WDR72: variants seen among roughly 807,000 people sequenced by gnomAD.
The protein encoded by WDR72 is WD repeat-containing protein 72.
Under a neutral mutation model 124.2 loss-of-function variants are expected in WDR72, and 120 were observed. The ratio of observed to expected loss-of-function variants is 0.97; its 90% CI spans 0.83 to 1.12. The LOEUF is 1.12. Ranked by LOEUF, WDR72 falls within the 50% of genes most tolerant of loss-of-function variation. The pLI, the probability that WDR72 is intolerant of heterozygous loss-of-function variation, is 0.00. For synonymous variants in WDR72, 452 were observed against 441.7 expected (o/e 1.02, Z -0.29); for missense variants, 1,387 against 1,278.8 (o/e 1.08, Z -1.29).
intron 18 of WDR72, among the ~76,000 whole-genome samples, chr15:53,538,413 C>G (rs1892876774): frequency 6.6e-6 from 1 of 152,146 alleles, no homozygotes; most frequent in South Asian, 2.1e-4. Context: ...AACTGAAAGT[C>G]TAATGAAGCT....
intron 9 of WDR72, among the ~76,000 whole-genome samples, chr15:53,708,258 T>C (rs2017439416): frequency 6.6e-6 from 1 of 152,212 alleles, no homozygotes; most frequent in African/African-American, 2.4e-5. Context: ...GCTAACTGCC[T>C]GGATTTAAAT....
At chr15:53,608,094 G>T (rs1024562164) in intron 17 of WDR72, among the ~76,000 whole-genome samples, 13 of 152,108 alleles carry the variant, frequency 8.5e-5, no homozygotes, top group African/African-American at 3.1e-4. Flanking sequence ...ACAGTTTGGA[G>T]GTTCCTCAAA....
chr15:53,658,194 T>C (rs2015492875), intron 14 of WDR72, among the ~76,000 whole-genome samples: 1 of 152,026 alleles, frequency 6.6e-6, no homozygotes, highest in African/African-American at 2.4e-5. Flanking sequence ...AGCTAAAAGG[T>C]TTTTATACCT....
At chr15:53,692,092 A>G (rs1448395523) in intron 13 of WDR72, among the ~76,000 whole-genome samples, 1 of 152,226 alleles carries the variant, frequency 6.6e-6, no homozygotes, top group East Asian at 1.9e-4. Context: ...TGTAATTATG[A>G]GAGGTGAAGT....
At chr15:53,746,880 T>C (rs1480459446) in intron 1 of WDR72, among the ~76,000 whole-genome samples, 3 of 152,096 alleles carry the variant, frequency 2.0e-5, no homozygotes, top group Non-Finnish European at 4.4e-5. Flanking sequence ...ATGAAACAAA[T>C]GGATAGATAG....
intron 1 of WDR72, among the ~76,000 whole-genome samples, chr15:53,744,165 A>G (rs2018583866): frequency 6.6e-6 from 1 of 152,170 alleles, no homozygotes; most frequent in African/African-American, 2.4e-5. Context: ...AGGGCCTCCC[A>G]TCAGCATGCC....
intron 1 of WDR72, among the ~76,000 whole-genome samples, chr15:53,743,835 C>T (rs1262630043): frequency 6.6e-6 from 1 of 152,000 alleles, no homozygotes; most frequent in Non-Finnish European, 1.5e-5. Context: ...CTTAGCCGGG[C>T]GTGGTGGTGG....
Position 53,513,853 on chromosome 15 carries a change from A to C in WDR72, c.*3846T>G, listed in dbSNP as rs1891303044. ...ATCTGAGAAGGTCAAGATGAAGGTG[A>C]AAAGAGTAAAGGAGTTGTACTAGGA... On this transcript the variant is annotated 3_prime_UTR_variant, in exon 20 of 20. Transcript: ENST00000360509. 6.6e-6 allele frequency: 1 copy of C among 152,218 alleles called. No individual in the cohort carries two copies. The highest frequency in any genetic ancestry group is 2.4e-5 in the African/African-American group (1 of 41,456). 9.4% of individuals were successfully genotyped at this position (152,218 alleles called of 1,614,324 possible).
At chr15:53,555,538 C>G (rs1419568244) in intron 18 of WDR72, among the ~76,000 whole-genome samples, 3 of 151,518 alleles carry the variant, frequency 2.0e-5, no homozygotes, top group Non-Finnish European at 4.4e-5. Context: ...CCACTTTTAT[C>G]TCTCGTCCTT....
At chr15:53,751,554 G>T (rs929865711) in intron 1 of WDR72, among the ~76,000 whole-genome samples, 2 of 152,144 alleles carry the variant, frequency 1.3e-5, no homozygotes, top group African/African-American at 4.8e-5. Flanking sequence ...TAAATTGTGT[G>T]ACTTGCTTTA....
chr15:53,609,657 G>A, intron 16 of WDR72, 65 bp from the exon 17 acceptor site: 1 of 1,351,788 alleles, frequency 7.4e-7, no homozygotes, highest in East Asian at 2.3e-5. Context: ...CTCTTAAGAT[G>A]GGCTGCATAT....
chr15:53,731,202 C>T (rs1451160790), intron 2 of WDR72, among the ~76,000 whole-genome samples: 4 of 152,102 alleles, frequency 2.6e-5, no homozygotes, highest in Admixed American at 2.6e-4. Flanking sequence ...CTTGTCATCT[C>T]AACTTCTCCA....
At chr15:53,556,243 C>T (rs1353832051) in intron 18 of WDR72, among the ~76,000 whole-genome samples, 1 of 152,040 alleles carries the variant, frequency 6.6e-6, no homozygotes, top group Non-Finnish European at 1.5e-5. Flanking sequence ...AACTGAGTAT[C>T]AGGATATAAA....
chr15:53,726,005 G>A (rs545378439), intron 2 of WDR72, among the ~76,000 whole-genome samples: 2 of 151,514 alleles, frequency 1.3e-5, no homozygotes, highest in Non-Finnish European at 2.9e-5. Context: ...CTGGGAGGTG[G>A]AGGTTGCAGT....
intron 18 of WDR72, among the ~76,000 whole-genome samples, chr15:53,560,897 A>T (rs1894101939): frequency 6.6e-6 from 1 of 151,846 alleles, no homozygotes; most frequent in Non-Finnish European, 1.5e-5. Context: ...ATGAGGAGAA[A>T]AAAGAAAGAG....
intron 14 of WDR72, among the ~76,000 whole-genome samples, chr15:53,630,009 A>C (rs77461354): frequency 1.9e-3 from 285 of 152,328 alleles, no homozygotes; most frequent in Admixed American, 4.5e-3. Flanking sequence ...GTGGGGAAAA[A>C]TCAAAGTAAT....
At chr15:53,745,281 T>C (rs371139813) in intron 1 of WDR72, among the ~76,000 whole-genome samples, 2 of 152,296 alleles carry the variant, frequency 1.3e-5, no homozygotes, top group East Asian at 3.9e-4. Context: ...GATGAGGCAA[T>C]GAATCACTAT....
At chr15:53,659,215 G>T (rs2015527118) in intron 14 of WDR72, among the ~76,000 whole-genome samples, 1 of 152,116 alleles carries the variant, frequency 6.6e-6, no homozygotes, top group South Asian at 2.1e-4. Flanking sequence ...TATATTTCAG[G>T]CCTGTGGACG....
At chr15:53,654,837 T>G (rs1289967561) in intron 14 of WDR72, among the ~76,000 whole-genome samples, 4 of 152,236 alleles carry the variant, frequency 2.6e-5, no homozygotes, top group African/African-American at 9.6e-5. Flanking sequence ...AATTCCATCC[T>G]TGTTAACACC....
Sources: gnomAD v4.1 joint callset for allele counts (sites outside exome capture counted in the v4.1 genomes callset) on GRCh38, gnomAD v4.1.1 for gene constraint, MANE v1.5 for transcripts, NCBI Gene and HGNC (gene_info 2026-07-23, HGNC 2026-07-21) for gene names.